The following SHISA9 variants were observed in gnomAD, a reference collection of about 807,000 sequenced individuals.
SHISA9 encodes the protein shisa family member 9, also known as protein shisa-9.
Under a neutral mutation model 38.0 loss-of-function variants are expected in SHISA9, and 13 were observed. That is an observed-to-expected ratio of 0.34 (90% CI 0.22 to 0.54). The LOEUF is 0.54. Ranked by LOEUF, SHISA9 falls within the 20% of genes least tolerant of loss-of-function variation. The pLI is 0.91. For missense variants in SHISA9, 538 were observed against 575.8 expected (o/e 0.93, Z 0.67); for synonymous variants, 275 against 242.0 (o/e 1.14, Z -1.27).
chr16:12,962,592 T>G (rs537478482), intron 2 of SHISA9, among the ~76,000 whole-genome samples: 1 of 152,148 alleles, frequency 6.6e-6, no homozygotes, highest in African/African-American at 2.4e-5. Context: ...GTCTGCCCCA[T>G]TGGGACATAG....
rs182642671 is a variant in SHISA9 at position 13,187,870 on chromosome 16, A to G, written c.692-15524A>G. Among the ~76,000 whole-genome samples, 3 of 152,322 alleles carry G rather than the reference A, an allele frequency of 2.0e-5. No homozygotes were observed. In the East Asian group the frequency reaches 5.8e-4, roughly 29 times the overall value. ...CGTTGACCATGTGCAGCTTCAACCT[A>G]GATGATGCACAGTGAACATTTCATG... is the stretch of plus-strand genomic sequence containing the variant. On this transcript the variant is annotated intron_variant, in intron 2 of 4. Transcript: ENST00000558583.
chr16:13,297,922 A>G, the SHISA9 span, among the ~76,000 whole-genome samples: 16 of 151,946 alleles, frequency 1.1e-4, no homozygotes, highest in African/African-American at 3.1e-4. Flanking sequence ...ACGTCCAGGT[A>G]ATTTTGTATT....
chr16:13,029,554 G>C (rs184645649), intron 2 of SHISA9, among the ~76,000 whole-genome samples: 34 of 152,362 alleles, frequency 2.2e-4, no homozygotes, highest in South Asian at 6.2e-4. Context: ...GCTGCAGTGA[G>C]CCGAGATTGT....
At chr16:13,186,575 T>C (rs9937811) in intron 2 of SHISA9, among the ~76,000 whole-genome samples, 25,666 of 152,022 alleles carry the variant, frequency 0.17, 2,401 homozygotes, top group Middle Eastern at 0.24. Flanking sequence ...AGATTACAGG[T>C]GTGAAGCCAC....
chr16:13,233,649 T>C (rs1023756496), intron 4 of SHISA9, among the ~76,000 whole-genome samples: 2 of 152,248 alleles, frequency 1.3e-5, no homozygotes. Context: ...AATAAAACCT[T>C]GTTTACAAAA....
chr16:13,049,458 G>C (rs1028738212), intron 2 of SHISA9, among the ~76,000 whole-genome samples: 5 of 152,050 alleles, frequency 3.3e-5, no homozygotes, highest in Admixed American at 6.6e-5. Context: ...GGATTCATCA[G>C]GAAATGACCT....
intron 2 of SHISA9, among the ~76,000 whole-genome samples, chr16:13,004,673 C>G (rs1226738967): frequency 1.3e-5 from 2 of 151,838 alleles, no homozygotes; most frequent in Non-Finnish European, 2.9e-5. Flanking sequence ...GCCTGTAATC[C>G]TAGCACTTTG....
intron 2 of SHISA9, among the ~76,000 whole-genome samples, chr16:13,009,837 G>A (rs554218032): frequency 7.6e-4 from 115 of 152,282 alleles, no homozygotes; most frequent in African/African-American, 2.6e-3. Flanking sequence ...GCCCGTCATG[G>A]CCTGGTGGGA....
At chr16:13,037,118 A>ACG (rs2073082421) in intron 2 of SHISA9, among the ~76,000 whole-genome samples, 1 of 137,010 alleles carries the variant, frequency 7.3e-6, no homozygotes, top group Non-Finnish European at 1.6e-5. Context: ...AGACACACAC[A>ACG]CACACACACA....
intron 2 of SHISA9, among the ~76,000 whole-genome samples, chr16:13,109,280 C>T (rs2073955501): frequency 6.6e-6 from 1 of 152,120 alleles, no homozygotes; most frequent in Non-Finnish European, 1.5e-5. Context: ...CCCACCTTGG[C>T]TTCCTAAGTA....
chr16:13,064,784 CAAAAAAA>C (rs72435637), intron 2 of SHISA9, among the ~76,000 whole-genome samples: 12 of 82,400 alleles, frequency 1.5e-4, no homozygotes, highest in South Asian at 4.4e-4. Context: ...AGTTGTAAGG[CAAAAAAA>C]AAAAAAAAAA....
intron 2 of SHISA9, among the ~76,000 whole-genome samples, chr16:12,947,919 G>A (rs2071708096): frequency 6.6e-6 from 1 of 152,174 alleles, no homozygotes; most frequent in African/African-American, 2.4e-5. Context: ...CAAACCTGGG[G>A]CCACCTGAAT....
At chr16:13,100,659 G>A (rs1436906839) in intron 2 of SHISA9, among the ~76,000 whole-genome samples, 1 of 152,156 alleles carries the variant, frequency 6.6e-6, no homozygotes, top group African/African-American at 2.4e-5. Context: ...GATAGCATAA[G>A]CTGTCCTTAA....
intron 2 of SHISA9, among the ~76,000 whole-genome samples, chr16:13,021,557 C>A (rs2072854453): frequency 6.6e-6 from 1 of 152,172 alleles, no homozygotes; most frequent in African/African-American, 2.4e-5. Flanking sequence ...TGACTCAGAA[C>A]AATCAGATGA....
intron 2 of SHISA9, among the ~76,000 whole-genome samples, chr16:13,159,177 C>A (rs2050574495): frequency 6.6e-6 from 1 of 152,124 alleles, no homozygotes; most frequent in Non-Finnish European, 1.5e-5. Context: ...TCTGTACAAT[C>A]TGGAAAACAA....
the SHISA9 span, among the ~76,000 whole-genome samples, chr16:13,536,033 C>T: frequency 6.6e-6 from 1 of 151,402 alleles, no homozygotes; most frequent in East Asian, 1.9e-4. Context: ...AAGTCTCACC[C>T]TGTCACCTAG....
At chr16:13,080,834 C>G (rs1278505531) in intron 2 of SHISA9, among the ~76,000 whole-genome samples, 1 of 152,188 alleles carries the variant, frequency 6.6e-6, no homozygotes, top group East Asian at 1.9e-4. Flanking sequence ...ATTTATTTCT[C>G]ACAGCTCTGG....
At chr16:13,260,465 A>G in the SHISA9 span, among the ~76,000 whole-genome samples, 4 of 152,258 alleles carry the variant, frequency 2.6e-5, no homozygotes, top group African/African-American at 9.6e-5. Context: ...GATACCCAAA[A>G]TTATCTTTTT....
intron 2 of SHISA9, among the ~76,000 whole-genome samples, chr16:13,059,318 G>A (rs564552312): frequency 2.0e-5 from 3 of 151,932 alleles, no homozygotes; most frequent in Non-Finnish European, 2.9e-5. Flanking sequence ...TAGTAGAGAC[G>A]GAGTTTCACT....
Sources: allele counts gnomAD v4.1 joint callset (sites outside exome capture counted in the v4.1 genomes callset), GRCh38; gene constraint gnomAD v4.1.1; transcripts MANE v1.5; gene names NCBI Gene and HGNC (gene_info 2026-07-23, HGNC 2026-07-21).